MAGI2: variants seen among roughly 807,000 people sequenced by gnomAD.
MAGI2 encodes the protein membrane-associated guanylate kinase, WW and PDZ domain-containing protein 2.
A neutral mutation model predicts 133.3 loss-of-function variants in MAGI2; 35 were observed. The observed-to-expected ratio is 0.26, with a 90% CI of 0.20 to 0.35. The LOEUF (loss-of-function observed/expected upper bound fraction) is 0.35, where lower values mean the gene tolerates loss of function less well. Ranked by LOEUF, MAGI2 falls within the 10% of genes least tolerant of loss-of-function variation. MAGI2 has a pLI of 1.00. For synonymous variants in MAGI2, 729 were observed against 710.6 expected (o/e 1.03, Z -0.41); for missense variants, 1,636 against 1,863.4 (o/e 0.88, Z 2.25).
intron 1 of MAGI2, among the ~76,000 whole-genome samples, chr7:79,181,484 A>G (rs1276644553): frequency 6.6e-6 from 1 of 151,914 alleles, no homozygotes; most frequent in Admixed American, 6.6e-5. Flanking sequence ...CAGAGCATCA[A>G]GTCCCTAGAC....
chr7:78,435,971 A>G (rs1172820242), intron 6 of MAGI2, among the ~76,000 whole-genome samples: 1 of 152,196 alleles, frequency 6.6e-6, no homozygotes, highest in African/African-American at 2.4e-5. Flanking sequence ...GTCAAATGGG[A>G]AACAGGGAAA....
At chr7:79,274,403 A>C (rs1835088110) in intron 1 of MAGI2, among the ~76,000 whole-genome samples, 1 of 151,874 alleles carries the variant, frequency 6.6e-6, no homozygotes, top group Admixed American at 6.6e-5. Context: ...GAATTTTTCA[A>C]ATTTATTAGA....
intron 1 of MAGI2, among the ~76,000 whole-genome samples, chr7:79,254,635 C>A (rs1220747357): frequency 6.6e-6 from 1 of 152,124 alleles, no homozygotes; most frequent in Non-Finnish European, 1.5e-5. Flanking sequence ...AAAATGCCAC[C>A]TTAATCAGGT....
At chr7:78,209,198 G>A (rs1787472519) in intron 10 of MAGI2, among the ~76,000 whole-genome samples, 1 of 30,540 alleles carries the variant, frequency 3.3e-5, no homozygotes. Flanking sequence ...CTCCACCCTG[G>A]GCGACAGAGC....
chr7:78,205,192 C>T (rs1965527), intron 10 of MAGI2, among the ~76,000 whole-genome samples: 25,345 of 152,172 alleles, frequency 0.17, 2,538 homozygotes, highest in East Asian at 0.3. Context: ...AGTGCAGTGG[C>T]GTGATCTTAG....
At chr7:79,264,158 G>T (rs1834277586) in intron 1 of MAGI2, among the ~76,000 whole-genome samples, 1 of 152,142 alleles carries the variant, frequency 6.6e-6, no homozygotes, top group South Asian at 2.1e-4. Flanking sequence ...ACATCTCAGT[G>T]CACACTACCC....
At chr7:78,890,334 C>T (rs1404200981) in intron 2 of MAGI2, among the ~76,000 whole-genome samples, 1 of 152,150 alleles carries the variant, frequency 6.6e-6, no homozygotes, top group Non-Finnish European at 1.5e-5. Flanking sequence ...AGAAACTTAA[C>T]AAGGATATCC....
At chr7:78,948,851 G>T (rs1280443181) in intron 2 of MAGI2, among the ~76,000 whole-genome samples, 1 of 151,972 alleles carries the variant, frequency 6.6e-6, no homozygotes, top group Admixed American at 6.6e-5. Flanking sequence ...ATATTTTGAT[G>T]TGTGCTTTCC....
chr7:78,663,345 T>C (rs1813188852), intron 2 of MAGI2, among the ~76,000 whole-genome samples: 1 of 151,996 alleles, frequency 6.6e-6, no homozygotes, highest in African/African-American at 2.4e-5. Context: ...TAGCTGGGAT[T>C]ATAGGCACGC....
chr7:79,089,263 C>A (rs570111037), intron 1 of MAGI2, among the ~76,000 whole-genome samples: 1 of 152,204 alleles, frequency 6.6e-6, no homozygotes, highest in Admixed American at 6.5e-5. Context: ...GGTACCATCT[C>A]ACACCAGTTA....
intron 6 of MAGI2, among the ~76,000 whole-genome samples, chr7:78,398,728 C>A (rs1796586385): frequency 6.6e-6 from 1 of 152,038 alleles, no homozygotes; most frequent in African/African-American, 2.4e-5. Flanking sequence ...TTCCTAAGTA[C>A]CAATTAGCAA....
intron 1 of MAGI2, among the ~76,000 whole-genome samples, chr7:79,200,333 G>A (rs950352312): frequency 3.3e-5 from 5 of 151,528 alleles, no homozygotes; most frequent in African/African-American, 7.3e-5. Context: ...AAACACTTTC[G>A]GCCTGATATC....
At chr7:78,453,676 G>A (rs184877590) in intron 6 of MAGI2, among the ~76,000 whole-genome samples, 10 of 152,282 alleles carry the variant, frequency 6.6e-5, no homozygotes, top group South Asian at 2.1e-4. Flanking sequence ...CAGTTATCAT[G>A]TGTCAGGCAG....
At chr7:78,555,793 G>C (rs1383570154) in intron 3 of MAGI2, among the ~76,000 whole-genome samples, 1 of 152,150 alleles carries the variant, frequency 6.6e-6, no homozygotes. Context: ...GCATTTTAAA[G>C]TACTCAGCCC....
chr7:78,909,330 A>G (rs1308627916), intron 2 of MAGI2, among the ~76,000 whole-genome samples: 1 of 151,644 alleles, frequency 6.6e-6, no homozygotes, highest in Non-Finnish European at 1.5e-5. Flanking sequence ...GCGGTGGCTC[A>G]CGCCTGTAAT....
intron 21 of MAGI2, among the ~76,000 whole-genome samples, chr7:78,070,131 A>G (rs547814064): frequency 8.5e-5 from 12 of 140,978 alleles, no homozygotes; most frequent in East Asian, 8.2e-4. Flanking sequence ...ACACACATAT[A>G]TGTGTGTGTA....
chr7:78,489,785 G>GT lies in MAGI2; in HGVS notation c.1020dup (p.Pro341ThrfsTer9). The GT allele has an allele frequency of 6.2e-7, 1 of 1,612,588 alleles. No homozygotes were observed. The highest frequency in any genetic ancestry group is 8.5e-7 in the Non-Finnish European group (1 of 1,179,084). On this transcript the variant is annotated frameshift_variant, in exon 6 of 22. Transcript: ENST00000354212. LOFTEE classifies it high-confidence loss of function. ...CCATTTTCTTTGCACTCTTCTGGAG[G>GT]TTTAGCCTTTTTCGCAAGTCGTGGA...
intron 6 of MAGI2, among the ~76,000 whole-genome samples, chr7:78,406,942 GT>G (rs1583942547): frequency 6.6e-6 from 1 of 151,902 alleles, no homozygotes; most frequent in Non-Finnish European, 1.5e-5. Flanking sequence ...TTTTCTAAGT[GT>G]TTCCTTATTG....
rs766331951 is a variant in MAGI2 at position 79,162,138 on chromosome 7, C to T, written c.302-154932G>A. Among the ~76,000 whole-genome samples, 65 of 151,630 alleles carry T rather than the reference C, an allele frequency of 4.3e-4. No homozygotes were observed. In the Middle Eastern group the frequency reaches 0.01, roughly 24 times the overall value. Reference sequence around the variant, plus strand: ...AGATTTTAGCCCTAAGTTGTTTTTTCGATCACAGATTGAATAATTATTCTT... The same window carrying T: ...AGATTTTAGCCCTAAGTTGTTTTTTTGATCACAGATTGAATAATTATTCTT... On this transcript the variant is annotated intron_variant, in intron 1 of 21. Coordinates refer to ENST00000354212, the MANE Select transcript of MAGI2 (RefSeq NM_012301.4).
Sources: allele counts gnomAD v4.1 joint callset (sites outside exome capture counted in the v4.1 genomes callset), GRCh38; gene constraint gnomAD v4.1.1; transcripts MANE v1.5; gene names NCBI Gene and HGNC (gene_info 2026-07-23, HGNC 2026-07-21).